RNF216: variants seen among roughly 807,000 people sequenced by gnomAD.
The protein encoded by RNF216 is E3 ubiquitin-protein ligase RNF216.
In RNF216, 72 loss-of-function variants were observed where a neutral mutation model predicts 110.8. That is an observed-to-expected ratio of 0.65 (90% CI 0.54 to 0.79). The LOEUF (loss-of-function observed/expected upper bound fraction) is 0.79. RNF216 is among the 30% of genes least tolerant of loss of function. The pLI is 0.00. For synonymous variants in RNF216, 495 were observed against 407.5 expected, an observed-to-expected ratio of 1.21 and a Z score of -2.59; for missense variants, 1,342 against 1,141.2, an observed-to-expected ratio of 1.18 and a Z score of -2.54.
At chr7:5,755,173 A>T (rs184585415) in intron 2 of RNF216, among the ~76,000 whole-genome samples, 4 of 146,436 alleles carry the variant, frequency 2.7e-5, no homozygotes, top group African/African-American at 1.0e-4. Context: ...GGAAGGAAAG[A>T]GAGGAAAGGA....
chr7:5,709,523 C>T (rs1272426228), intron 13 of RNF216, among the ~76,000 whole-genome samples: 4 of 152,186 alleles, frequency 2.6e-5, no homozygotes, highest in East Asian at 1.9e-4. Context: ...CATGCCTTTA[C>T]GGCTTTTTCT....
chr7:5,715,609 C>G (rs892376542), intron 10 of RNF216, among the ~76,000 whole-genome samples: 9 of 151,944 alleles, frequency 5.9e-5, no homozygotes, highest in African/African-American at 1.5e-4. Context: ...GTGAATGGGT[C>G]TATCGAGGTC....
intron 13 of RNF216, among the ~76,000 whole-genome samples, chr7:5,707,688 T>C (rs796699377): frequency 1.5e-4 from 22 of 148,724 alleles, no homozygotes; most frequent in South Asian, 6.3e-4. Context: ...CTGATCTTAG[T>C]AAAAAAAAGC....
At position 5,781,576 on chromosome 7, in the gene RNF216, G is replaced by A. The variant is rs1274141332; in HGVS notation, c.-105C>T. 1.3e-5 allele frequency: 2 copies of A among 152,306 alleles called. No individual in the cohort carries two copies. Among genetic ancestry groups the A allele is most frequent in the Non-Finnish European group, 2.9e-5 (2 of 68,098 alleles). 9.4% of individuals were successfully genotyped at this position (152,306 alleles called of 1,614,324 possible). A position where few individuals can be genotyped will look rare whatever the true frequency, so the allele number is the denominator to read the frequency against. On this transcript the variant is annotated 5_prime_UTR_variant, in exon 1 of 17. Transcript: ENST00000389902. ...AGTCGCCGGCTAGCCAGGCAGGTTC[G>A]GCGGCCTTCGCTACCGCGCCGCTTA...
chr7:5,672,105 T>C (rs1242087213), intron 13 of RNF216, among the ~76,000 whole-genome samples: 2 of 152,196 alleles, frequency 1.3e-5, no homozygotes, highest in Non-Finnish European at 2.9e-5. Flanking sequence ...TCCCGCCCCT[T>C]TGTGCACACG....
chr7:5,776,131 A>C (rs567667207), intron 1 of RNF216, among the ~76,000 whole-genome samples: 9 of 152,288 alleles, frequency 5.9e-5, no homozygotes, highest in African/African-American at 2.2e-4. Flanking sequence ...TCCATATGTG[A>C]AAGCTGTGGA....
At chr7:5,742,305 C>G (rs1220496529) in intron 3 of RNF216, among the ~76,000 whole-genome samples, 2 of 152,118 alleles carry the variant, frequency 1.3e-5, no homozygotes, top group Admixed American at 6.5e-5. Context: ...CCTCAGCCTC[C>G]CAAAGTGCTG....
intron 14 of RNF216, among the ~76,000 whole-genome samples, chr7:5,642,634 A>G (rs925024923): frequency 6.6e-6 from 1 of 150,658 alleles, no homozygotes; most frequent in African/African-American, 2.4e-5. Context: ...CCTGGCTTTC[A>G]TGCCCGGCCA....
chr7:5,728,110 A>G (rs1293331462), intron 7 of RNF216, among the ~76,000 whole-genome samples: 4 of 152,118 alleles, frequency 2.6e-5, no homozygotes, highest in African/African-American at 9.7e-5. Context: ...GCAGATGTTT[A>G]TACTAGTTCT....
chr7:5,661,068 T>C (rs1160975426), intron 13 of RNF216, among the ~76,000 whole-genome samples: 1 of 149,834 alleles, frequency 6.7e-6, no homozygotes, highest in East Asian at 2.0e-4. Flanking sequence ...GTCTCCCAAG[T>C]AGCTGGAATT....
At chr7:5,756,261 T>TG (rs1308710679) in intron 2 of RNF216, among the ~76,000 whole-genome samples, 1 of 152,314 alleles carries the variant, frequency 6.6e-6, no homozygotes, top group African/African-American at 2.4e-5. Flanking sequence ...CCCAGCAATA[T>TG]GGAACTGTGA....
intron 15 of RNF216, among the ~76,000 whole-genome samples, chr7:5,625,464 C>T (rs913125147): frequency 6.6e-6 from 1 of 152,178 alleles, no homozygotes; most frequent in Non-Finnish European, 1.5e-5. Flanking sequence ...GATCTGATGA[C>T]ACCCAGAGCA....
At chr7:5,712,006 C>T in intron 12 of RNF216, 167 bp from the exon 13 acceptor site, 2 of 612,188 alleles carry the variant, frequency 3.3e-6, no homozygotes, top group Non-Finnish European at 2.9e-6. Context: ...CTTCTTTGTG[C>T]TGGCTCTTAT....
intron 15 of RNF216, among the ~76,000 whole-genome samples, chr7:5,638,306 TG>T (rs1787524462): frequency 2.0e-5 from 3 of 152,250 alleles, no homozygotes; most frequent in Admixed American, 2.0e-4. Context: ...TCCTGTTTTT[TG>T]GGATATTTAA....
chr7:5,624,136 A>G lies in RNF216; in HGVS notation c.2383-11T>C, dbSNP rs1292820680. The G allele has an allele frequency of 6.2e-7, 1 of 1,611,170 alleles. No individual in the cohort carries two copies. Among genetic ancestry groups the G allele is most frequent in the Admixed American group, 1.7e-5 (1 of 59,948 alleles). On this transcript the variant is annotated splice_polypyrimidine_tract_variant and intron_variant, in intron 15 of 16. Coordinates refer to ENST00000389902, the MANE Select transcript of RNF216 (RefSeq NM_207111.4). This position sits in a 1 kb window ranked among gnomAD's most constrained non-coding sequence, Gnocchi z 4.4. ...CTTCTCATCATCTTCCTAAAACGCAAGCAATGAGAAGGATGAACCTGTAGC... is the reference window on the plus strand; with the variant it reads ...CTTCTCATCATCTTCCTAAAACGCAGGCAATGAGAAGGATGAACCTGTAGC...
intron 14 of RNF216, among the ~76,000 whole-genome samples, chr7:5,646,776 G>A (rs1788075687): frequency 6.6e-6 from 1 of 151,914 alleles, no homozygotes; most frequent in Non-Finnish European, 1.5e-5. Flanking sequence ...TTAGCTTAGT[G>A]GTCAATGCCA....
chr7:5,754,063 C>A (rs988026236), intron 2 of RNF216, among the ~76,000 whole-genome samples: 1 of 151,822 alleles, frequency 6.6e-6, no homozygotes, highest in Non-Finnish European at 1.5e-5. Flanking sequence ...TGACGCACCT[C>A]ATCACTGCAA....
intron 13 of RNF216, among the ~76,000 whole-genome samples, chr7:5,685,958 C>G (rs1268410892): frequency 1.3e-5 from 2 of 152,124 alleles, no homozygotes; most frequent in Non-Finnish European, 2.9e-5. Context: ...CGCGGTGGCT[C>G]ACACCTGTAA....
At position 5,660,943 on chromosome 7, in the gene RNF216, GTTTTTTTTT is replaced by G. The variant is rs1168463360; in HGVS notation, c.2062-8442_2062-8434del. 1.9e-3 allele frequency among the ~76,000 whole-genome samples: 171 copies of G among 90,154 alleles called. 2 individuals are homozygous for G. Among genetic ancestry groups the G allele is most frequent in the Non-Finnish European group, 2.9e-3 (147 of 50,454 alleles). 59.1% of individuals were successfully genotyped at this position (90,154 alleles called of 152,430 possible). A position where few individuals can be genotyped will look rare whatever the true frequency, so the allele number is the denominator to read the frequency against. ...TAGCTCCATGCTCCTGAAGCCTTAGGTTTTTTTTTTTTTTTTTTTTTTTTTGAAACAGCA... is the reference window on the plus strand; with the variant it reads ...TAGCTCCATGCTCCTGAAGCCTTAGGTTTTTTTTTTTTTTTTGAAACAGCA... On this transcript the variant is annotated intron_variant, in intron 13 of 16. Coordinates refer to ENST00000389902, the MANE Select transcript of RNF216 (RefSeq NM_207111.4).
Sources: allele counts gnomAD v4.1 joint callset (sites outside exome capture counted in the v4.1 genomes callset), GRCh38; gene constraint gnomAD v4.1.1; non-coding constraint Gnocchi (gnomAD v3.1); transcripts MANE v1.5; gene names NCBI Gene and HGNC (gene_info 2026-07-23, HGNC 2026-07-21).